OXNAD1: variants seen among roughly 807,000 people sequenced by gnomAD.
The protein encoded by OXNAD1 is oxidoreductase NAD-binding domain-containing protein 1.
Under a neutral mutation model 32.9 loss-of-function variants are expected in OXNAD1, and 34 were observed. The observed-to-expected ratio is 1.03, with a 90% CI of 0.79 to 1.38. OXNAD1 has a LOEUF of 1.38. OXNAD1 is among the 40% of genes most tolerant of loss of function. The pLI, the probability that OXNAD1 is intolerant of heterozygous loss-of-function variation, is 0.00. For synonymous variants in OXNAD1, 134 were observed against 135.2 expected, an observed-to-expected ratio of 0.99 and a Z score of 0.06; for missense variants, 407 against 379.4, an observed-to-expected ratio of 1.07 and a Z score of -0.60.
At chr3:16,330,035 A>G (rs1450796793) in intron 9 of OXNAD1, among the ~76,000 whole-genome samples, 1 of 152,200 alleles carries the variant, frequency 6.6e-6, no homozygotes, top group Admixed American at 6.5e-5. Context: ...TAAAGAAAAA[A>G]TCAGCAGGAT....
chr3:16,315,223 C>G (rs1417500633), intron 9 of OXNAD1, among the ~76,000 whole-genome samples: 1 of 152,180 alleles, frequency 6.6e-6, no homozygotes, highest in African/African-American at 2.4e-5. Context: ...TCAAGCAATT[C>G]TCCTGCCTCA....
rs2071868606 is a variant in OXNAD1 at position 16,348,280 on chromosome 3, A to C, written c.*31-896A>C. On this transcript the variant is annotated intron_variant, in intron 9 of 9. Transcript: ENST00000606098. This position sits in a 1 kb window ranked among gnomAD's most constrained non-coding sequence, Gnocchi z 6.3. Reference sequence around the variant, plus strand: ...GATCACTGACATTATCCATAATCAGAGGCGTCTAGGAGATCACCCACATTA... The same window carrying C: ...GATCACTGACATTATCCATAATCAGCGGCGTCTAGGAGATCACCCACATTA... Among the ~76,000 whole-genome samples the C allele has an allele frequency of 6.6e-6, 1 of 152,062 alleles. No homozygotes were observed. Among genetic ancestry groups the C allele is most frequent in the African/African-American group, 2.4e-5 (1 of 41,390 alleles).
At position 16,316,465 on chromosome 3, in the gene OXNAD1, C is replaced by G; in HGVS notation, c.*30+12873C>G. The G allele has an allele frequency of 3.3e-6, 1 of 305,480 alleles. No homozygotes were observed. The highest frequency in any genetic ancestry group is 6.2e-6 in the Non-Finnish European group (1 of 161,580). The allele number at this position is 305,480 out of a possible 1,614,324, so 18.9% of individuals were successfully genotyped here. ...GCCTTGGTTTGTAGCCCAGGGTGTC[C>G]ATGGATTTGACCCGAATGCTCCCTG... is the stretch of plus-strand genomic sequence containing the variant. On this transcript the variant is annotated intron_variant, in intron 9 of 9. Transcript: ENST00000435829. This position sits in a 1 kb window ranked among gnomAD's most constrained non-coding sequence, Gnocchi z 4.5.
rs1216304232 is a variant in OXNAD1 at position 16,345,012 on chromosome 3, G to A, written c.*31-4164G>A. On this transcript the variant is annotated intron_variant, in intron 9 of 9. Transcript: ENST00000606098. This position sits in a 1 kb window ranked among gnomAD's most constrained non-coding sequence, Gnocchi z 5.2. The stretch of plus-strand genomic sequence containing the variant: ...GCCACATGGAAAGCATAAGAAATGG[G>A]GGCAGCCCCCAGGAGCAAGGACCAG... 2.6e-5 allele frequency: 4 copies of A among 152,142 alleles called. No individual in the cohort carries two copies. The highest frequency in any genetic ancestry group is 4.8e-5 in the African/African-American group (2 of 41,430). 9.4% of individuals were successfully genotyped at this position (152,142 alleles called of 1,614,324 possible). A position where few individuals can be genotyped will look rare whatever the true frequency, so the allele number is the denominator to read the frequency against.
rs2068165165 is a variant in OXNAD1 at position 16,314,110 on chromosome 3, G to A, written c.*30+10518G>A. 6.6e-6 allele frequency among the ~76,000 whole-genome samples: 1 copy of A among 151,684 alleles called. No homozygotes were observed. The highest frequency in any genetic ancestry group is 2.0e-4 in the East Asian group (1 of 5,126). The stretch of plus-strand genomic sequence containing the variant: ...CACAGTGGGTTTGCAGGACTCCCCT[G>A]CAAACCCACTGTGACAGCTGCAGCC... On this transcript the variant is annotated intron_variant, in intron 9 of 9. Transcript: ENST00000435829. The surrounding 1 kb of genome is among the most constrained non-coding windows in gnomAD (Gnocchi z 4.4).
At chr3:16,283,636 G>A (rs2065894581) in intron 4 of OXNAD1, among the ~76,000 whole-genome samples, 1 of 152,166 alleles carries the variant, frequency 6.6e-6, no homozygotes, top group African/African-American at 2.4e-5. Flanking sequence ...GAAAAGTAAT[G>A]ATGAGTTGTC....
rs1399498 is a variant in OXNAD1 at position 16,312,693 on chromosome 3, C to T, written c.*30+9101C>T. ...TCTACACCTGAGAGCTATTCCTGAACGATTTTGTGGTTTAGAGAGGGCCAT... is the reference window on the plus strand; with the variant it reads ...TCTACACCTGAGAGCTATTCCTGAATGATTTTGTGGTTTAGAGAGGGCCAT... On this transcript the variant is annotated intron_variant, in intron 9 of 9. Transcript: ENST00000435829. This position sits in a 1 kb window ranked among gnomAD's most constrained non-coding sequence, Gnocchi z 4.7. 1.2e-4 allele frequency among the ~76,000 whole-genome samples: 19 copies of T among 152,140 alleles called. No individual in the cohort carries two copies. Among genetic ancestry groups the T allele is most frequent in the Non-Finnish European group, 2.1e-4 (14 of 68,030 alleles).
intron 4 of OXNAD1, among the ~76,000 whole-genome samples, chr3:16,272,647 CT>C (rs35628992): frequency 0.018 from 2,019 of 112,672 alleles, 43 homozygotes; most frequent in East Asian, 0.1. Flanking sequence ...GCTTAAAGTT[CT>C]TTTTTTTTTT....
At chr3:16,333,772 C>G (rs777640817) in intron 9 of OXNAD1, among the ~76,000 whole-genome samples, 2 of 151,712 alleles carry the variant, frequency 1.3e-5, no homozygotes, top group Non-Finnish European at 2.9e-5. Context: ...TCCAATAATC[C>G]AAATTTTAAA....
downstream of OXNAD1, among the ~76,000 whole-genome samples, chr3:16,341,267 A>G (rs1382824869): frequency 6.6e-6 from 1 of 152,248 alleles, no homozygotes; most frequent in African/African-American, 2.4e-5. This position sits in a 1 kb window ranked among gnomAD's most constrained non-coding sequence, Gnocchi z 4.7. Flanking sequence ...AAAACTAGAC[A>G]TACTTTACAA....
rs924447723 is a variant in OXNAD1, at chr3:16,334,143, C to T, written c.*31-2969C>T. Among the ~76,000 whole-genome samples the T allele has an allele frequency of 6.6e-6, 1 of 152,020 alleles. No homozygotes were observed. The highest frequency in any genetic ancestry group is 1.5e-5 in the Non-Finnish European group (1 of 67,992). On this transcript the variant is annotated intron_variant, in intron 9 of 9. Coordinates refer to the OXNAD1 transcript ENST00000435829. This position sits in a 1 kb window ranked among gnomAD's most constrained non-coding sequence, Gnocchi z 4.3. ...TCGTGCCACTGCACTCCAGCCTGGG[C>T]GACAGAGCAAGACTCTGTCTCAAAA...
Position 16,287,777 on chromosome 3 carries a change from A to G in OXNAD1, c.290+1329A>G, listed in dbSNP as rs181642673. 6.6e-6 allele frequency among the ~76,000 whole-genome samples: 1 copy of G among 152,300 alleles called. No individual in the cohort carries two copies. The highest frequency in any genetic ancestry group is 1.9e-4 in the East Asian group (1 of 5,182). ...CTAACCTCAGTTACCTGATAAGAAA[A>G]TGTCCTCATTCCCTAGTGATATTTG... On this transcript the variant is annotated intron_variant, in intron 5 of 8. Coordinates refer to ENST00000285083, the MANE Select transcript of OXNAD1 (RefSeq NM_138381.5). This position sits in a 1 kb window ranked among gnomAD's most constrained non-coding sequence, Gnocchi z 4.8.
chr3:16,273,913 A>G (rs2065140681), intron 4 of OXNAD1, among the ~76,000 whole-genome samples: 1 of 152,134 alleles, frequency 6.6e-6, no homozygotes. Flanking sequence ...CTGTTTCCTA[A>G]TAAAAGACCT....
At position 16,292,192 on chromosome 3, in the gene OXNAD1, CTT is replaced by C. The variant is rs34684511; in HGVS notation, c.291-2648_291-2647del. ...CCCATTATGTAGATTGTCTTCTTAA[CTT>C]TTTTTTTTTTTTTTTGAAATGGAGT... On this transcript the variant is annotated intron_variant, in intron 5 of 8. Transcript: ENST00000285083. 5.2e-3 allele frequency among the ~76,000 whole-genome samples: 700 copies of C among 134,496 alleles called. 3 individuals carry two copies. Among genetic ancestry groups the C allele is most frequent in the African/African-American group, 0.016 (602 of 37,300 alleles). The allele number at this position is 134,496 out of a possible 152,430, so 88.2% of individuals were successfully genotyped here. A position where few individuals can be genotyped will look rare whatever the true frequency, so the allele number is the denominator to read the frequency against.
At position 16,290,590 on chromosome 3, in the gene OXNAD1, T is replaced by C. The variant is rs1244223264; in HGVS notation, c.290+4142T>C. ...GAAATAATGGAGATTTTTGTATACC[T>C]CCTCTGTGATAGCATATAGCAACTG... is the stretch of plus-strand genomic sequence containing the variant. On this transcript the variant is annotated intron_variant, in intron 5 of 8. Transcript: ENST00000285083. The surrounding 1 kb of genome is among the most constrained non-coding windows in gnomAD (Gnocchi z 4.2). Among the ~76,000 whole-genome samples, 3 of 152,216 alleles carry C rather than the reference T, an allele frequency of 2.0e-5. No individual in the cohort carries two copies. Among genetic ancestry groups the C allele is most frequent in the African/African-American group, 7.2e-5 (3 of 41,448 alleles).
downstream of OXNAD1, among the ~76,000 whole-genome samples, chr3:16,350,831 A>G (rs1376473082): frequency 6.6e-6 from 1 of 152,234 alleles, no homozygotes; most frequent in Non-Finnish European, 1.5e-5. Flanking sequence ...TCTCAGAACC[A>G]AAGTAATTAT....
At chr3:16,325,264 G>A (rs1021071674) in intron 9 of OXNAD1, among the ~76,000 whole-genome samples, 1 of 152,186 alleles carries the variant, frequency 6.6e-6, no homozygotes, top group African/African-American at 2.4e-5. Context: ...TCAAGAGCAG[G>A]CTGGAGATCA....
intron 6 of OXNAD1, among the ~76,000 whole-genome samples, chr3:16,296,451 T>G (rs1373136794): frequency 6.6e-6 from 1 of 152,220 alleles, no homozygotes; most frequent in Non-Finnish European, 1.5e-5. Flanking sequence ...CAACAGGATT[T>G]TTTATAGATA....
At chr3:16,292,326 GA>G (rs1477590468) in intron 5 of OXNAD1, among the ~76,000 whole-genome samples, 1 of 151,902 alleles carries the variant, frequency 6.6e-6, no homozygotes, top group Non-Finnish European at 1.5e-5. Flanking sequence ...AAGTAGCTGG[GA>G]CTACAGGTGC....
Sources: gnomAD v4.1 joint callset for allele counts (sites outside exome capture counted in the v4.1 genomes callset) on GRCh38, gnomAD v4.1.1 for gene constraint, Gnocchi (gnomAD v3.1) non-coding constraint, MANE v1.5 for transcripts, NCBI Gene and HGNC (gene_info 2026-07-23, HGNC 2026-07-21) for gene names.